Variants in CDKL4 observed in about 807,000 individuals in gnomAD.
CDKL4 encodes cyclin dependent kinase like 4.
In CDKL4, 44 loss-of-function variants were observed where a neutral mutation model predicts 42.0. The ratio of observed to expected loss-of-function variants is 1.05; its 90% CI spans 0.82 to 1.35. The LOEUF is 1.35. Among genes scored for constraint, CDKL4 ranks in the 40% most tolerant of loss-of-function variants. CDKL4 has a pLI of 0.00. For missense variants in CDKL4, 393 were observed against 369.9 expected, an observed-to-expected ratio of 1.06 and a Z score of -0.51; for synonymous variants, 120 against 121.6, an observed-to-expected ratio of 0.99 and a Z score of 0.09.
chr2:39,209,317 GAA>G (rs11372337), intron 4 of CDKL4, among the ~76,000 whole-genome samples: 2 of 137,280 alleles, frequency 1.5e-5, no homozygotes, highest in Non-Finnish European at 1.5e-5. Flanking sequence ...GTCTCAGGAA[GAA>G]AAAAAAAAAA....
chr2:39,192,914 C>T (rs969219055), intron 5 of CDKL4, among the ~76,000 whole-genome samples: 2 of 151,728 alleles, frequency 1.3e-5, no homozygotes, highest in African/African-American at 2.4e-5. Flanking sequence ...TCGTGTGAGC[C>T]CAGGAGTTTG....
At chr2:39,226,447 A>ATATATATATTATATATATAT (rs1678731464) in intron 2 of CDKL4, among the ~76,000 whole-genome samples, 1 of 135,252 alleles carries the variant, frequency 7.4e-6, no homozygotes, top group Non-Finnish European at 1.6e-5. Flanking sequence ...TATATATATT[A>ATATATATATTATATATATAT]TATATATATT....
At chr2:39,168,162 T>G in the CDKL4 span, among the ~76,000 whole-genome samples, 6 of 152,136 alleles carry the variant, frequency 3.9e-5, no homozygotes, top group Non-Finnish European at 7.4e-5. Flanking sequence ...AGTGAATTGT[T>G]TCTAGTAGTT....
chr2:39,217,193 G>C (rs1162921858), intron 3 of CDKL4, among the ~76,000 whole-genome samples: 1 of 152,202 alleles, frequency 6.6e-6, no homozygotes, highest in Admixed American at 6.5e-5. Context: ...AAGATGCTCA[G>C]TGTTTAAATA....
chr2:39,234,075 G>A (rs867554144), intron 1 of CDKL4, among the ~76,000 whole-genome samples: 2 of 151,558 alleles, frequency 1.3e-5, no homozygotes, highest in South Asian at 2.1e-4. Context: ...CACCACTCCC[G>A]GCTAATTTTT....
chr2:39,226,587 G>C (rs1053376564), intron 2 of CDKL4, among the ~76,000 whole-genome samples: 12 of 151,132 alleles, frequency 7.9e-5, no homozygotes, highest in Non-Finnish European at 1.6e-4. Flanking sequence ...TCACAAGACA[G>C]CCTCTGTTTA....
rs115022237 is a variant in CDKL4, at chr2:39,214,264, G to A, written c.291-792C>T. Reference sequence around the variant, plus strand: ...CTTTAATTTTAAAATAAAAACATTCGTATGGTTCAAATTTTAAACATATAA... The same window carrying A: ...CTTTAATTTTAAAATAAAAACATTCATATGGTTCAAATTTTAAACATATAA... On this transcript the variant is annotated intron_variant, in intron 3 of 9. Transcript: ENST00000451199. Among the ~76,000 whole-genome samples the A allele has an allele frequency of 2.9e-3, 437 of 152,088 alleles. 3 individuals are homozygous for A. The highest frequency in any genetic ancestry group is 0.01 in the African/African-American group (415 of 41,482).
upstream of CDKL4, among the ~76,000 whole-genome samples, chr2:39,247,072 G>A (rs983540569): frequency 1.4e-4 from 21 of 152,064 alleles, no homozygotes; most frequent in Non-Finnish European, 2.1e-4. Context: ...ACTTACTTCC[G>A]TTTGCCTTTA....
At chr2:39,185,580 A>G (rs1016960347) in intron 7 of CDKL4, among the ~76,000 whole-genome samples, 2 of 150,294 alleles carry the variant, frequency 1.3e-5, no homozygotes, top group African/African-American at 4.9e-5. Flanking sequence ...CTCCTGCCTC[A>G]GTCTCCCGAG....
chr2:39,190,180 G>T, intron 6 of CDKL4, 125 bp downstream of exon 6: 1 of 659,478 alleles, frequency 1.5e-6, no homozygotes, highest in Non-Finnish European at 2.4e-6. Flanking sequence ...CAACCATCCT[G>T]AGTGACACTT....
intron 5 of CDKL4, among the ~76,000 whole-genome samples, chr2:39,198,229 A>T (rs554129599): frequency 6.8e-6 from 1 of 146,468 alleles, no homozygotes; most frequent in African/African-American, 2.5e-5. Flanking sequence ...AACAGCAGTT[A>T]AAAAAGACAA....
chr2:39,180,236 G>C (rs939066852), intron 8 of CDKL4, among the ~76,000 whole-genome samples: 4 of 152,194 alleles, frequency 2.6e-5, no homozygotes, highest in Admixed American at 2.6e-4. Context: ...TTTTTAAAAG[G>C]AGCAGTTTTA....
exon 3 of CDKL4, chr2:39,225,907 C>G (rs145051446): frequency 6.2e-7 from 1 of 1,611,462 alleles, no homozygotes; most frequent in Non-Finnish European, 8.5e-7. Flanking sequence ...AATGCATTTT[C>G]CTTTTTCTCC....
intron 3 of CDKL4, among the ~76,000 whole-genome samples, chr2:39,225,202 C>A (rs1477539063): frequency 6.6e-6 from 1 of 151,970 alleles, no homozygotes; most frequent in Non-Finnish European, 1.5e-5. Context: ...GAGTTCAAGA[C>A]CAGCCTGGCC....
In CDKL4 at chr2:39,187,629, T is replaced by C. The variant is rs754112790; in HGVS notation, c.733A>G (p.Met245Val). The change falls in exon 7 of 10, where the codon ATG becomes GTG. Residue 245 changes from methionine (M) to valine (V), a missense_variant and splice_region_variant. By Grantham distance (21) the Met-to-Val change is conservative (BLOSUM62 1). Transcript: ENST00000451199. The stretch of plus-strand genomic sequence containing the variant: ...ATATTCAAAACAGAGCAGCTTACCA[T>C]GTCTTCTGGCTCAGGTATACTGATG... 128 of 1,602,346 alleles carry C rather than the reference T, an allele frequency of 8.0e-5. No homozygotes were observed. The highest frequency in any genetic ancestry group is 1.1e-4 in the Non-Finnish European group (124 of 1,170,678).
At chr2:39,189,788 T>TGACATGCTGCGTATTGCTG (rs1676066716) in intron 6 of CDKL4, among the ~76,000 whole-genome samples, 1 of 152,252 alleles carries the variant, frequency 6.6e-6, no homozygotes, top group Non-Finnish European at 1.5e-5. Flanking sequence ...GCTCATTTGT[T>TGACATGCTGCGTATTGCTG]GACATGCTGC....
chr2:39,226,548 G>T (rs1045700887), intron 2 of CDKL4, among the ~76,000 whole-genome samples: 1 of 147,608 alleles, frequency 6.8e-6, no homozygotes, highest in East Asian at 2.0e-4. Flanking sequence ...TATTTTGTGT[G>T]TTAAATTCTA....
chr2:39,197,389 A>C (rs1034377948), intron 5 of CDKL4, among the ~76,000 whole-genome samples: 1 of 152,130 alleles, frequency 6.6e-6, no homozygotes, highest in Non-Finnish European at 1.5e-5. Flanking sequence ...AGAAATCTAA[A>C]AGTTTGGAAA....
upstream of CDKL4, among the ~76,000 whole-genome samples, chr2:39,244,034 G>T (rs1001313777): frequency 6.6e-6 from 1 of 152,222 alleles, no homozygotes; most frequent in Non-Finnish European, 1.5e-5. Context: ...GGGCGCGCGG[G>T]GCACTGCGGC....
Sources: allele counts gnomAD v4.1 joint callset (sites outside exome capture counted in the v4.1 genomes callset), GRCh38; gene constraint gnomAD v4.1.1; transcripts MANE v1.5; gene names NCBI Gene and HGNC (gene_info 2026-07-23, HGNC 2026-07-21).